The following EPHB2 variants were observed in gnomAD, a reference collection of about 807,000 sequenced individuals.
EPHB2 encodes the protein ephrin type-B receptor 2.
In EPHB2, 18 loss-of-function variants were observed where a neutral mutation model predicts 96.4. That is an observed-to-expected ratio of 0.19 (90% CI 0.13 to 0.28). The LOEUF is 0.28. EPHB2 is among the 10% of genes least tolerant of loss of function. The probability of loss-of-function intolerance (pLI) is 1.00; values close to 1 mark genes in which losing one functional copy is unlikely to be tolerated. For synonymous variants in EPHB2, 506 were observed against 534.1 expected, an observed-to-expected ratio of 0.95 and a Z score of 0.72; for missense variants, 989 against 1,355.4, an observed-to-expected ratio of 0.73 and a Z score of 4.25.
At chr1:22,754,843 AGG>A in intron 1 of EPHB2, among the ~76,000 whole-genome samples, 1 of 132,584 alleles carries the variant, frequency 7.5e-6, no homozygotes, top group African/African-American at 2.7e-5. Flanking sequence ...AGGGGAGGGG[AGG>A]TGAGGGACAG....
chr1:22,819,250 T>TCTCTCTCTCTCTCTCTCTCTC (rs1645118734), intron 3 of EPHB2, among the ~76,000 whole-genome samples: 1 of 145,492 alleles, frequency 6.9e-6, no homozygotes. Context: ...TCTCTCTCTC[T>TCTCTCTCTCTCTCTCTCTCTC]GCTGGTCTTT....
chr1:22,905,350 A>G lies in EPHB2; in HGVS notation c.1766-637A>G, dbSNP rs114441784. Among the ~76,000 whole-genome samples, 646 of 152,300 alleles carry G rather than the reference A, an allele frequency of 4.2e-3. 6 individuals are homozygous for G. Among genetic ancestry groups the G allele is most frequent in the African/African-American group, 0.015 (611 of 41,560 alleles). ...ATCCAGAAGGGGTTAAGACTTGGCT[A>G]GAGGGGGACCTGGGAGGTGGCCCAG... On this transcript the variant is annotated intron_variant, in intron 9 of 15. Transcript: ENST00000374630.
At chr1:22,821,046 C>T (rs986904361) in intron 3 of EPHB2, among the ~76,000 whole-genome samples, 3 of 152,212 alleles carry the variant, frequency 2.0e-5, no homozygotes, top group African/African-American at 7.2e-5. Flanking sequence ...GCAGCTGGTA[C>T]AGCTCCATAA....
chr1:22,780,728 T>C (rs762955962), intron 1 of EPHB2, among the ~76,000 whole-genome samples: 15 of 152,082 alleles, frequency 9.9e-5, no homozygotes, highest in Non-Finnish European at 2.1e-4. Context: ...TCCAGTAGAC[T>C]CCAGGTTTAG....
intron 3 of EPHB2, among the ~76,000 whole-genome samples, chr1:22,843,117 G>T (rs1263026699): frequency 6.6e-6 from 1 of 152,148 alleles, no homozygotes; most frequent in South Asian, 2.1e-4. Context: ...AGGAGAAATA[G>T]GTAATACTAA....
Position 22,860,400 on chromosome 1 carries a change from G to A in EPHB2, c.812-2637G>A, listed in dbSNP as rs1645775597. On this transcript the variant is annotated intron_variant, in intron 3 of 15. Transcript: ENST00000374630. The surrounding 1 kb of genome is among the most constrained non-coding windows in gnomAD (Gnocchi z 4.6). ...AGAGAAGAGTGAGTTTCATGAAGCA[G>A]TGCCATAGATACAGAAATGATACAG... Among the ~76,000 whole-genome samples, 2 of 152,150 alleles carry A rather than the reference G, an allele frequency of 1.3e-5. No individual in the cohort carries two copies. Among genetic ancestry groups the A allele is most frequent in the Non-Finnish European group, 2.9e-5 (2 of 68,038 alleles).
intron 1 of EPHB2, among the ~76,000 whole-genome samples, chr1:22,711,709 C>T (rs930168669): frequency 6.6e-6 from 1 of 151,978 alleles, no homozygotes; most frequent in African/African-American, 2.4e-5. Flanking sequence ...CCGGGCACCC[C>T]CGCCGGCCAC....
intron 3 of EPHB2, among the ~76,000 whole-genome samples, chr1:22,823,136 G>C (rs948066757): frequency 3.3e-5 from 5 of 152,166 alleles, no homozygotes; most frequent in Non-Finnish European, 7.4e-5. Context: ...CACACATCAG[G>C]CTCCAGTCAT....
intron 1 of EPHB2, among the ~76,000 whole-genome samples, chr1:22,748,229 G>C (rs1465267507): frequency 1.3e-5 from 2 of 152,134 alleles, no homozygotes; most frequent in Non-Finnish European, 2.9e-5. Flanking sequence ...AGTAAGTTTG[G>C]CTGTTATTCT....
intron 1 of EPHB2, among the ~76,000 whole-genome samples, chr1:22,771,034 G>A (rs752217842): frequency 6.6e-6 from 1 of 152,152 alleles, no homozygotes; most frequent in Non-Finnish European, 1.5e-5. Context: ...TGATACCAGC[G>A]ACTGCATTTC....
At chr1:22,768,768 G>C (rs368640750) in intron 1 of EPHB2, among the ~76,000 whole-genome samples, 1 of 114,324 alleles carries the variant, frequency 8.7e-6, no homozygotes, top group Non-Finnish European at 1.9e-5. Flanking sequence ...CCTCCTGCAG[G>C]TTCTTGAAGG....
intron 1 of EPHB2, among the ~76,000 whole-genome samples, chr1:22,742,953 C>G (rs1162314542): frequency 6.7e-6 from 1 of 150,190 alleles, no homozygotes; most frequent in Non-Finnish European, 1.5e-5. Flanking sequence ...GTGCAGTGGT[C>G]TTATCATGGC....
rs763283802 is a variant in EPHB2, at chr1:22,863,245, T to C, written c.967+53T>C. 6.2e-6 allele frequency: 10 copies of C among 1,612,678 alleles called. No homozygotes were observed. In the African/African-American group the frequency reaches 1.1e-4, roughly 17 times the overall value. On this transcript the variant is annotated intron_variant, in intron 4 of 15. Transcript: ENST00000374630. ...TGGCTGGCCGAGTCCCAGGTCTACCTGCAGAAAAGCTCAGAGTGAGGATTG... is the reference window on the plus strand; with the variant it reads ...TGGCTGGCCGAGTCCCAGGTCTACCCGCAGAAAAGCTCAGAGTGAGGATTG...
intron 3 of EPHB2, among the ~76,000 whole-genome samples, chr1:22,795,861 C>T (rs557109361): frequency 1.3e-5 from 2 of 152,268 alleles, no homozygotes; most frequent in African/African-American, 4.8e-5. Flanking sequence ...ACAGCTCCCC[C>T]CGCCGGGGGA....
intron 1 of EPHB2, among the ~76,000 whole-genome samples, chr1:22,720,203 T>G (rs1420464264): frequency 6.6e-6 from 1 of 152,186 alleles, no homozygotes; most frequent in African/African-American, 2.4e-5. Flanking sequence ...TGTCACAAAG[T>G]GTCACCCCTG....
intron 3 of EPHB2, among the ~76,000 whole-genome samples, chr1:22,813,797 G>A (rs1189385082): frequency 6.6e-6 from 1 of 152,222 alleles, no homozygotes; most frequent in Non-Finnish European, 1.5e-5. Flanking sequence ...TGGGCACCCT[G>A]GCTGGCCAGT....
intron 11 of EPHB2, among the ~76,000 whole-genome samples, 180 bp from the exon 12 acceptor site, chr1:22,907,773 A>G (rs563660569): frequency 3.9e-5 from 6 of 152,288 alleles, no homozygotes; most frequent in Non-Finnish European, 8.8e-5. Context: ...TGTTCTCACC[A>G]CCACTCTGAA....
At chr1:22,737,873 A>C (rs1475919438) in intron 1 of EPHB2, among the ~76,000 whole-genome samples, 2 of 152,144 alleles carry the variant, frequency 1.3e-5, no homozygotes, top group African/African-American at 4.8e-5. Flanking sequence ...TGACACTCCC[A>C]CAAGACCTTG....
At chr1:22,908,260 C>A in intron 12 of EPHB2, 92 bp downstream of exon 12, 1 of 1,473,632 alleles carries the variant, frequency 6.8e-7, no homozygotes, top group Non-Finnish European at 9.3e-7. Flanking sequence ...CACTAACGCC[C>A]AATTGGGCCA....
Sources: gnomAD v4.1 joint callset for allele counts (sites outside exome capture counted in the v4.1 genomes callset) on GRCh38, gnomAD v4.1.1 for gene constraint, Gnocchi (gnomAD v3.1) non-coding constraint, MANE v1.5 for transcripts, NCBI Gene and HGNC (gene_info 2026-07-23, HGNC 2026-07-21) for gene names.